LRP1B: variants seen among roughly 807,000 people sequenced by gnomAD.
The protein encoded by LRP1B is low-density lipoprotein receptor-related protein 1B.
Under a neutral mutation model 556.6 loss-of-function variants are expected in LRP1B, and 217 were observed. The observed-to-expected ratio is 0.39, with a 90% CI of 0.35 to 0.44. LRP1B has a LOEUF of 0.44. Ranked by LOEUF, LRP1B falls within the 20% of genes least tolerant of loss-of-function variation. The pLI is 1.00. For missense variants in LRP1B, 5,053 were observed against 5,620.8 expected (o/e 0.90, Z 3.23); for synonymous variants, 2,047 against 1,865.8 (o/e 1.10, Z -2.50).
At chr2:141,314,230 A>G (rs557432906) in intron 3 of LRP1B, among the ~76,000 whole-genome samples, 1 of 152,312 alleles carries the variant, frequency 6.6e-6, no homozygotes, top group East Asian at 1.9e-4. Flanking sequence ...CTCTGTCTTC[A>G]GGTAAGACTT....
At chr2:140,461,720 A>G (rs553886783) in intron 60 of LRP1B, among the ~76,000 whole-genome samples, 3 of 151,952 alleles carry the variant, frequency 2.0e-5, no homozygotes, top group South Asian at 4.2e-4. Context: ...TGTAATCCCA[A>G]CTACTCAGGA....
intron 31 of LRP1B, among the ~76,000 whole-genome samples, chr2:140,827,541 G>A (rs1691551500): frequency 6.6e-6 from 1 of 151,888 alleles, no homozygotes; most frequent in East Asian, 1.9e-4. Flanking sequence ...TAAGCTTAAA[G>A]AGAGGCTATC....
rs537713580 is a variant in LRP1B at position 141,335,003 on chromosome 2, A to G, written c.344-80362T>C. ...ATCTTATACTTTTTTCAGTTAACTC[A>G]TTGTTGATTAAGACACTGAATAAGA... On this transcript the variant is annotated intron_variant, in intron 3 of 90. Coordinates refer to ENST00000389484, the MANE Select transcript of LRP1B (RefSeq NM_018557.3). Among the ~76,000 whole-genome samples, 9 of 152,336 alleles carry G rather than the reference A, an allele frequency of 5.9e-5. No individual in the cohort carries two copies. The South Asian group carries it at 1.7e-3, about 28-fold the overall frequency.
chr2:140,273,539 T>C (rs1682552354), intron 85 of LRP1B, among the ~76,000 whole-genome samples: 1 of 152,166 alleles, frequency 6.6e-6, no homozygotes, highest in Admixed American at 6.6e-5. Flanking sequence ...TGCAATCAAA[T>C]TTTATTGGGC....
At chr2:141,596,581 A>G (rs1687530891) in intron 2 of LRP1B, among the ~76,000 whole-genome samples, 1 of 152,066 alleles carries the variant, frequency 6.6e-6, no homozygotes, top group South Asian at 2.1e-4. Context: ...AAATGCACTC[A>G]CTATTGATCT....
chr2:141,275,802 G>A (rs1391980489), intron 3 of LRP1B, among the ~76,000 whole-genome samples: 3 of 152,078 alleles, frequency 2.0e-5, no homozygotes, highest in African/African-American at 7.2e-5. Flanking sequence ...TAAAAGTGGG[G>A]TGTCTTTGGA....
rs753335098 is a variant in LRP1B, at chr2:140,274,472, T to C, written c.13094A>G (p.His4365Arg). 11 of 1,612,780 alleles carry C rather than the reference T, an allele frequency of 6.8e-6. No homozygotes were observed. Among genetic ancestry groups the C allele is most frequent in the East Asian group, 2.2e-5 (1 of 44,804 alleles). The change falls in exon 85 of 91, where the codon CAT becomes CGT. Residue 4365 changes from histidine to arginine, a missense_variant. This residue lies in a region of LRP1B where 551 missense variants were observed against 592.0 expected (regional missense o/e 0.93). Transcript: ENST00000389484. The part of the protein sequence containing the change: ...KCEVDKCVRC[H>R]GGHCIINKDS... ...TTTATTTATAATGCAGTGCCCCCCATGGCACCTTACACACTTGTCAACCTC... is the reference window on the plus strand; with the variant it reads ...TTTATTTATAATGCAGTGCCCCCCACGGCACCTTACACACTTGTCAACCTC...
chr2:140,867,489 A>G, intron 27 of LRP1B, 101 bp downstream of exon 27: 1 of 1,306,674 alleles, frequency 7.7e-7, no homozygotes, highest in South Asian at 1.9e-5. Context: ...TAAAATGTCA[A>G]TAACTTTTAA....
chr2:141,567,232 T>C (rs535175058), intron 2 of LRP1B, among the ~76,000 whole-genome samples: 1 of 152,168 alleles, frequency 6.6e-6, no homozygotes, highest in African/African-American at 2.4e-5. Context: ...TCTAATTACT[T>C]TAGGATTCAC....
At chr2:140,557,207 C>T (rs1680765913) in intron 43 of LRP1B, among the ~76,000 whole-genome samples, 1 of 152,086 alleles carries the variant, frequency 6.6e-6, no homozygotes, top group African/African-American at 2.4e-5. Context: ...CAACAATTTT[C>T]TTCCTCATAA....
chr2:141,072,182 C>T (rs1461549896), intron 7 of LRP1B, among the ~76,000 whole-genome samples: 2 of 152,066 alleles, frequency 1.3e-5, no homozygotes, highest in Non-Finnish European at 2.9e-5. Context: ...TAAGATTATA[C>T]TTTGAATGTT....
At chr2:140,345,156 T>TA (rs1326193876) in intron 77 of LRP1B, among the ~76,000 whole-genome samples, 5 of 151,706 alleles carry the variant, frequency 3.3e-5, no homozygotes, top group Non-Finnish European at 7.4e-5. Context: ...ACCCACTTGA[T>TA]ACCAGAAGTA....
chr2:141,329,643 C>CAAAAAAAAAAA (rs71391650), intron 3 of LRP1B, among the ~76,000 whole-genome samples: 14 of 28,966 alleles, frequency 4.8e-4, no homozygotes, highest in Non-Finnish European at 8.1e-4. Flanking sequence ...GACTCTGTCT[C>CAAAAAAAAAAA]AAAAAAAAAA....
chr2:142,015,211 T>C (rs999962698), intron 1 of LRP1B, among the ~76,000 whole-genome samples: 9 of 152,126 alleles, frequency 5.9e-5, no homozygotes, highest in Non-Finnish European at 1.3e-4. Flanking sequence ...TGTCCCATTG[T>C]AACACCACAC....
chr2:141,539,097 C>T (rs1266117826), intron 2 of LRP1B, among the ~76,000 whole-genome samples: 1 of 152,078 alleles, frequency 6.6e-6, no homozygotes, highest in African/African-American at 2.4e-5. Flanking sequence ...ATCAAATCAG[C>T]TGACAAATTA....
intron 2 of LRP1B, among the ~76,000 whole-genome samples, chr2:141,551,834 A>T (rs1685760775): frequency 6.6e-6 from 1 of 151,618 alleles, no homozygotes; most frequent in Non-Finnish European, 1.5e-5. Context: ...AATAATAAAC[A>T]CCCCATTATT....
At chr2:141,431,204 T>C (rs936529354) in intron 3 of LRP1B, among the ~76,000 whole-genome samples, 1 of 145,686 alleles carries the variant, frequency 6.9e-6, no homozygotes, top group African/African-American at 2.5e-5. Context: ...TGAGCTAATG[T>C]AATCATATCA....
At chr2:141,604,294 A>G (rs985246419) in intron 2 of LRP1B, among the ~76,000 whole-genome samples, 1 of 152,222 alleles carries the variant, frequency 6.6e-6, no homozygotes, top group African/African-American at 2.4e-5. Context: ...ATGTTATGCC[A>G]TGTTATAACA....
intron 7 of LRP1B, among the ~76,000 whole-genome samples, chr2:141,126,990 C>T (rs556979527): frequency 1.9e-4 from 29 of 152,164 alleles, no homozygotes; most frequent in African/African-American, 5.8e-4. Flanking sequence ...AGGTATTTCT[C>T]CTAATGCTAT....
Sources: gnomAD v4.1 joint callset for allele counts (sites outside exome capture counted in the v4.1 genomes callset) on GRCh38, gnomAD v4.1.1 for gene constraint, gnomAD v4.1.1 regional missense constraint, MANE v1.5 for transcripts, NCBI Gene and HGNC (gene_info 2026-07-23, HGNC 2026-07-21) for gene names.